Variants in SGCZ observed in about 807,000 individuals in gnomAD.
SGCZ encodes sarcoglycan zeta, also known as zeta-sarcoglycan.
In SGCZ, 40 loss-of-function variants were observed where a neutral mutation model predicts 41.3. The ratio of observed to expected loss-of-function variants is 0.97; its 90% CI spans 0.75 to 1.26. The LOEUF (loss-of-function observed/expected upper bound fraction) is 1.26. Ranked by LOEUF, SGCZ falls within the 50% of genes most tolerant of loss-of-function variation. SGCZ has a pLI of 0.00. For synonymous variants in SGCZ, 206 were observed against 137.5 expected, an observed-to-expected ratio of 1.50 and a Z score of -3.49; for missense variants, 552 against 369.8, an observed-to-expected ratio of 1.49 and a Z score of -4.04.
intron 1 of SGCZ, among the ~76,000 whole-genome samples, chr8:14,896,737 A>G (rs568554927): frequency 1.3e-5 from 2 of 152,050 alleles, no homozygotes; most frequent in African/African-American, 2.4e-5. Flanking sequence ...TCGGCCTCCC[A>G]AAGTGCTGGG....
intron 5 of SGCZ, among the ~76,000 whole-genome samples, chr8:14,146,282 G>A (rs1365387275): frequency 6.6e-6 from 1 of 152,156 alleles, no homozygotes; most frequent in African/African-American, 2.4e-5. Flanking sequence ...AGAGTGGTAT[G>A]ACATATCTCA....
intron 3 of SGCZ, among the ~76,000 whole-genome samples, chr8:14,289,944 T>C (rs1360832900): frequency 6.6e-6 from 1 of 151,966 alleles, no homozygotes; most frequent in East Asian, 1.9e-4. Context: ...ACCTTCTTCA[T>C]AAGGCAGGAG....
intron 1 of SGCZ, 122 bp from the exon 2 acceptor site, chr8:14,555,048 TC>T (rs1406470783): frequency 1.9e-5 from 15 of 792,498 alleles, no homozygotes; most frequent in Non-Finnish European, 2.6e-5. Flanking sequence ...CAGTGAGCAT[TC>T]AAATAACTAT....
intron 1 of SGCZ, among the ~76,000 whole-genome samples, chr8:14,779,201 T>C (rs541975131): frequency 2.6e-5 from 4 of 152,238 alleles, no homozygotes; most frequent in African/African-American, 9.6e-5. Context: ...CAATAGATTA[T>C]GGCTGAAGTG....
chr8:15,062,890 A>G (rs10102615), intron 1 of SGCZ, among the ~76,000 whole-genome samples: 1 of 152,078 alleles, frequency 6.6e-6, no homozygotes, highest in East Asian at 1.9e-4. Context: ...TGCAGTTCTA[A>G]CTTTTTAAAG....
chr8:15,001,531 CA>C (rs1802420449), intron 1 of SGCZ, among the ~76,000 whole-genome samples: 1 of 151,996 alleles, frequency 6.6e-6, no homozygotes, highest in Admixed American at 6.6e-5. Flanking sequence ...AGATCGAGAC[CA>C]TCCTGGCTAA....
chr8:15,093,275 G>A (rs1190868144), intron 1 of SGCZ, among the ~76,000 whole-genome samples: 1 of 152,158 alleles, frequency 6.6e-6, no homozygotes, highest in African/African-American at 2.4e-5. Flanking sequence ...GTAAGCATTA[G>A]CCACAGTACC....
At chr8:14,991,221 G>A (rs1452835636) in intron 1 of SGCZ, among the ~76,000 whole-genome samples, 1 of 151,988 alleles carries the variant, frequency 6.6e-6, no homozygotes. Flanking sequence ...CTCATTCTGG[G>A]GAAGGTCTTT....
chr8:14,466,384 G>A (rs1801050828), intron 2 of SGCZ, among the ~76,000 whole-genome samples: 1 of 151,882 alleles, frequency 6.6e-6, no homozygotes, highest in South Asian at 2.1e-4. Flanking sequence ...CTTGTCTTTT[G>A]GCTTCCAATA....
At chr8:15,048,272 G>A (rs963930510) in intron 1 of SGCZ, among the ~76,000 whole-genome samples, 1 of 151,954 alleles carries the variant, frequency 6.6e-6, no homozygotes, top group South Asian at 2.1e-4. Context: ...GTGGGAGCTA[G>A]ATAAGTGGAT....
intron 1 of SGCZ, among the ~76,000 whole-genome samples, chr8:15,016,066 T>C (rs1190432738): frequency 2.6e-5 from 4 of 152,170 alleles, no homozygotes; most frequent in Non-Finnish European, 4.4e-5. Flanking sequence ...CTCCATTATA[T>C]CCTGCTGATT....
intron 1 of SGCZ, among the ~76,000 whole-genome samples, chr8:14,811,878 A>G (rs1801748346): frequency 6.6e-6 from 1 of 152,008 alleles, no homozygotes; most frequent in Non-Finnish European, 1.5e-5. Context: ...CACTGCTTTT[A>G]TTTCAATTAT....
chr8:14,674,995 G>A (rs1808227976), intron 1 of SGCZ, among the ~76,000 whole-genome samples: 1 of 118,540 alleles, frequency 8.4e-6, no homozygotes, highest in Admixed American at 1.2e-4. Context: ...CTGAAGTACA[G>A]TGGCGTGAAC....
chr8:15,178,167 G>A (rs541421121), intron 1 of SGCZ, among the ~76,000 whole-genome samples: 5 of 151,588 alleles, frequency 3.3e-5, no homozygotes, highest in South Asian at 2.1e-4. Context: ...CTTCTCAACC[G>A]CACCCCTACA....
chr8:14,725,834 G>C (rs1256527670), intron 1 of SGCZ, among the ~76,000 whole-genome samples: 1 of 152,144 alleles, frequency 6.6e-6, no homozygotes, highest in Admixed American at 6.5e-5. Context: ...TTAGAATAAT[G>C]TGTGGTTATG....
chr8:14,576,351 GA>G (rs200708207), intron 1 of SGCZ, among the ~76,000 whole-genome samples: 19 of 151,894 alleles, frequency 1.3e-4, no homozygotes, highest in Non-Finnish European at 1.5e-4. Flanking sequence ...CTAAAGGAGG[GA>G]AAAAAAACTG....
chr8:15,104,909 G>T (rs1306961104), intron 1 of SGCZ, among the ~76,000 whole-genome samples: 4 of 152,152 alleles, frequency 2.6e-5, no homozygotes, highest in African/African-American at 4.8e-5. Flanking sequence ...GAATCACAGG[G>T]TATGAACAAT....
chr8:15,167,595 T>C (rs1799703652), intron 1 of SGCZ, among the ~76,000 whole-genome samples: 2 of 152,218 alleles, frequency 1.3e-5, no homozygotes, highest in South Asian at 4.1e-4. Flanking sequence ...TTATTCTTTC[T>C]GCGCTTTATG....
intron 1 of SGCZ, among the ~76,000 whole-genome samples, chr8:14,995,924 G>A (rs1212204715): frequency 4.0e-5 from 6 of 151,522 alleles, no homozygotes; most frequent in African/African-American, 1.5e-4. Flanking sequence ...TTTTTTTTGA[G>A]ATGGAATCTT....
Sources: gnomAD v4.1 joint callset for allele counts (sites outside exome capture counted in the v4.1 genomes callset) on GRCh38, gnomAD v4.1.1 for gene constraint, MANE v1.5 for transcripts, NCBI Gene and HGNC (gene_info 2026-07-23, HGNC 2026-07-21) for gene names.